DGKG: variants seen among roughly 807,000 people sequenced by gnomAD.
The protein encoded by DGKG is DAG kinase gamma.
DGKG carries 78 observed loss-of-function variants against 105.3 expected under a neutral mutation model. The ratio of observed to expected loss-of-function variants is 0.74; its 90% CI spans 0.62 to 0.89. DGKG has a LOEUF of 0.89. Ranked by LOEUF, DGKG falls within the 40% of genes least tolerant of loss-of-function variation. The pLI, the probability that DGKG is intolerant of heterozygous loss-of-function variation, is 0.00. For missense variants in DGKG, 958 were observed against 1,020.1 expected (o/e 0.94, Z 0.83); for synonymous variants, 346 against 367.1 (o/e 0.94, Z 0.66).
At chr3:186,206,212 C>T (rs925464865) in intron 21 of DGKG, among the ~76,000 whole-genome samples, 2 of 152,034 alleles carry the variant, frequency 1.3e-5, no homozygotes, top group Non-Finnish European at 2.9e-5. Context: ...GGTGAAATCC[C>T]GTCTCTACTA....
At chr3:186,246,172 A>G (rs2108556710) in intron 19 of DGKG, among the ~76,000 whole-genome samples, 1 of 152,240 alleles carries the variant, frequency 6.6e-6, no homozygotes, top group African/African-American at 2.4e-5. Flanking sequence ...GGGTTTCACC[A>G]CATTGGCCAG....
Position 186,268,905 on chromosome 3 carries a change from C to G in DGKG, c.1012G>C (p.Ala338Pro), listed in dbSNP as rs199552752. ...AKRSGEVMQH[A>P]WVEGNSSVKC... Reference sequence around the variant, plus strand: ...ACGGAGGAGTTCCCTTCCACCCATGCGTGCTGCATCACCTGCGGGAGGGAA... The same window carrying G: ...ACGGAGGAGTTCCCTTCCACCCATGGGTGCTGCATCACCTGCGGGAGGGAA... Residue 338 changes from alanine to proline, a missense_variant, in exon 12 of 25, where the codon GCA becomes CCA. Physicochemically the swap from Ala to Pro is conservative, Grantham distance 27. This residue lies in a region of DGKG where 643 missense variants were observed against 619.5 expected (regional missense o/e 1.04). Transcript: ENST00000265022. The G allele has an allele frequency of 6.2e-7, 1 of 1,612,900 alleles. No homozygotes were observed. Among genetic ancestry groups the G allele is most frequent in the Non-Finnish European group, 8.5e-7 (1 of 1,179,142 alleles).
chr3:186,320,762 C>T lies in DGKG; in HGVS notation c.-248-55G>A, dbSNP rs186287887. 52 of 305,120 alleles carry T rather than the reference C, an allele frequency of 1.7e-4. No individual in the cohort carries two copies. In the East Asian group the frequency reaches 3.1e-3, roughly 18 times the overall value. 18.9% of individuals were successfully genotyped at this position (305,120 alleles called of 1,614,324 possible). A position where few individuals can be genotyped will look rare whatever the true frequency, so the allele number is the denominator to read the frequency against. On this transcript the variant is annotated intron_variant, in intron 1 of 24. Transcript: ENST00000265022. ...TGAGAATGTTAAAAAAAAAAGGCCC[C>T]AAATGTTCTTTGCTGAAAGATCTAC...
chr3:186,339,851 T>C (rs752338692), intron 1 of DGKG, among the ~76,000 whole-genome samples: 8 of 152,250 alleles, frequency 5.3e-5, no homozygotes, highest in South Asian at 2.1e-4. Flanking sequence ...TGAGTCAGCA[T>C]GTCCTCCATG....
At chr3:186,269,278 G>T (rs1722205641) in intron 11 of DGKG, among the ~76,000 whole-genome samples, 1 of 152,246 alleles carries the variant, frequency 6.6e-6, no homozygotes, top group African/African-American at 2.4e-5. Context: ...AAGGCAGCAT[G>T]GTGCAGAGGA....
chr3:186,269,050 T>C, intron 11 of DGKG, 133 bp from the exon 12 acceptor site: 1 of 645,440 alleles, frequency 1.5e-6, no homozygotes, highest in Non-Finnish European at 2.8e-6. Context: ...AGGATGCTTA[T>C]TGGATGTTGG....
chr3:186,299,349 G>A (rs926867802), intron 3 of DGKG, among the ~76,000 whole-genome samples: 2 of 152,172 alleles, frequency 1.3e-5, no homozygotes, highest in Admixed American at 1.3e-4. Flanking sequence ...CCAGAGACTG[G>A]CTTACATGTG....
chr3:186,331,489 C>A (rs2108651518), intron 1 of DGKG, among the ~76,000 whole-genome samples: 1 of 152,300 alleles, frequency 6.6e-6, no homozygotes, highest in South Asian at 2.1e-4. Flanking sequence ...GCATTCTATC[C>A]ATAAGAATTC....
intron 9 of DGKG, among the ~76,000 whole-genome samples, chr3:186,277,882 GA>G (rs979712613): frequency 1.3e-4 from 20 of 152,204 alleles, no homozygotes; most frequent in African/African-American, 4.6e-4. Context: ...TGTGGGTTTT[GA>G]AAAAGCCCAA....
Position 186,307,032 on chromosome 3 carries a change from G to A in DGKG, c.68-55C>T, listed in dbSNP as rs182992258. ...CTGGCAAATAGCTAATGGAAGCTGG[G>A]CCAAGTAAATTCTCCCTGTGTAACC... On this transcript the variant is annotated intron_variant, in intron 2 of 24. Transcript: ENST00000265022. 5.6e-6 allele frequency: 7 copies of A among 1,254,356 alleles called. No homozygotes were observed. The East Asian group carries it at 9.3e-5, about 17-fold the overall frequency. The allele number at this position is 1,254,356 out of a possible 1,614,324, so 77.7% of individuals were successfully genotyped here. A position where few individuals can be genotyped will look rare whatever the true frequency, so the allele number is the denominator to read the frequency against.
At chr3:186,207,516 C>G in intron 21 of DGKG, 1 of 985,200 alleles carries the variant, frequency 1.0e-6, no homozygotes, top group Non-Finnish European at 1.2e-6. Context: ...CACTTAGCAC[C>G]ACTGCCAGTT....
intron 3 of DGKG, among the ~76,000 whole-genome samples, chr3:186,303,980 C>T (rs1252175844): frequency 6.6e-6 from 1 of 152,262 alleles, no homozygotes; most frequent in Admixed American, 6.5e-5. Context: ...AAGTCAGCTG[C>T]ACTGTGTGAG....
At chr3:186,202,453 A>G (rs1286785859) in intron 21 of DGKG, among the ~76,000 whole-genome samples, 1 of 152,262 alleles carries the variant, frequency 6.6e-6, no homozygotes, top group Non-Finnish European at 1.5e-5. Flanking sequence ...GTGATTGTAG[A>G]GGAAGAAAAG....
chr3:186,213,170 GA>G (rs1377353229), intron 20 of DGKG, among the ~76,000 whole-genome samples: 1 of 152,202 alleles, frequency 6.6e-6, no homozygotes, highest in East Asian at 1.9e-4. Context: ...AAATGATGAA[GA>G]AAGTAAGAGT....
chr3:186,360,267 G>A (rs1727165464), intron 1 of DGKG, among the ~76,000 whole-genome samples: 1 of 152,094 alleles, frequency 6.6e-6, no homozygotes, highest in Non-Finnish European at 1.5e-5. Flanking sequence ...CCATGTCTCG[G>A]TTGATCTGAA....
chr3:186,283,566 C>G (rs1722925928), intron 7 of DGKG, among the ~76,000 whole-genome samples: 1 of 152,200 alleles, frequency 6.6e-6, no homozygotes, highest in African/African-American at 2.4e-5. Context: ...CAGCACCCAT[C>G]CCTACCTGAC....
rs535086393 is a variant in DGKG at position 186,147,805 on chromosome 3, C to T, written c.*2285G>A. On this transcript the variant is annotated 3_prime_UTR_variant, in exon 25 of 25. Coordinates refer to ENST00000265022, the MANE Select transcript of DGKG (RefSeq NM_001346.3). ...TGTCTTAGAATCAGTGACCCCAAAC[C>T]TGAACCTGCCTCAGTTTCAGAAACA... 4 of 985,434 alleles carry T rather than the reference C, an allele frequency of 4.1e-6. No individual in the cohort carries two copies. The South Asian group carries it at 1.9e-4, about 46-fold the overall frequency. 61.0% of individuals were successfully genotyped at this position (985,434 alleles called of 1,614,324 possible). A position where few individuals can be genotyped will look rare whatever the true frequency, so the allele number is the denominator to read the frequency against.
chr3:186,259,337 G>A (rs947655972), intron 16 of DGKG, among the ~76,000 whole-genome samples: 6 of 152,280 alleles, frequency 3.9e-5, no homozygotes, highest in African/African-American at 7.2e-5. Context: ...GGGCTGCTCC[G>A]TCACAAGGCT....
intron 24 of DGKG, 140 bp downstream of exon 24, chr3:186,161,463 A>G (rs1716287194): frequency 6.8e-7 from 1 of 1,470,758 alleles, no homozygotes; most frequent in Admixed American, 2.6e-5. Context: ...GATGGATAAT[A>G]AAGTGGAAGA....
Sources: allele counts gnomAD v4.1 joint callset (sites outside exome capture counted in the v4.1 genomes callset), GRCh38; gene constraint gnomAD v4.1.1; regional missense constraint gnomAD v4.1.1; transcripts MANE v1.5; gene names NCBI Gene and HGNC (gene_info 2026-07-23, HGNC 2026-07-21).